PML: variants seen among roughly 807,000 people sequenced by gnomAD.
PML encodes PML nuclear body scaffold.
Under a neutral mutation model 65.2 loss-of-function variants are expected in PML, and 28 were observed. That is an observed-to-expected ratio of 0.43 (90% CI 0.32 to 0.59). PML has a LOEUF of 0.59. PML is among the 20% of genes least tolerant of loss of function. The pLI is 0.08. For synonymous variants in PML, 500 were observed against 508.8 expected (o/e 0.98, Z 0.23); for missense variants, 1,021 against 1,203.4 (o/e 0.85, Z 2.24).
At chr15:74,018,247 A>G (rs1039192708) in intron 2 of PML, among the ~76,000 whole-genome samples, 1 of 150,786 alleles carries the variant, frequency 6.6e-6, no homozygotes, top group African/African-American at 2.4e-5. Flanking sequence ...CACTTGAACC[A>G]GGGAGGCAGA....
intron 6 of PML, 121 bp downstream of exon 6, chr15:74,033,535 T>A: frequency 1.9e-6 from 2 of 1,036,480 alleles, no homozygotes; most frequent in Non-Finnish European, 3.0e-6. Context: ...TTATTCCCAC[T>A]GAATAAGATA....
chr15:74,045,991 A>C lies in PML; in HGVS notation c.*983A>C, dbSNP rs1257418288. 1.3e-5 allele frequency: 3 copies of C among 232,400 alleles called. No individual in the cohort carries two copies. Among genetic ancestry groups the C allele is most frequent in the African/African-American group, 6.6e-5 (3 of 45,296 alleles). The allele number at this position is 232,400 out of a possible 1,614,324, so 14.4% of individuals were successfully genotyped here. On this transcript the variant is annotated 3_prime_UTR_variant, in exon 9 of 9. Transcript: ENST00000268058. ...GCTGCTCTCATAGACTGCTCCTCCA[A>C]GGGGAAGCAGTGTGGAACAGCAGAG...
At chr15:74,036,115 A>C in intron 7 of PML, 1 of 1,612,704 alleles carries the variant, frequency 6.2e-7, no homozygotes, top group East Asian at 2.2e-5. Flanking sequence ...ACCTCTGGGC[A>C]GGGAGACCTG....
chr15:74,028,191 A>G (rs1420128696), intron 4 of PML: 1 of 152,186 alleles, frequency 6.6e-6, no homozygotes, highest in African/African-American at 2.4e-5. Flanking sequence ...AAATAAATTT[A>G]TTATTTTAAA....
intron 2 of PML, among the ~76,000 whole-genome samples, chr15:74,007,995 C>T (rs1030321625): frequency 3.9e-5 from 6 of 152,218 alleles, no homozygotes; most frequent in Non-Finnish European, 8.8e-5. Context: ...GTATCTGGCA[C>T]AGGGCTGACA....
chr15:74,012,267 C>T (rs2070369447), intron 2 of PML, among the ~76,000 whole-genome samples: 1 of 152,208 alleles, frequency 6.6e-6, no homozygotes, highest in Non-Finnish European at 1.5e-5. Context: ...CCTCCGCCTC[C>T]CGGGTTCAAG....
intron 2 of PML, among the ~76,000 whole-genome samples, chr15:74,002,990 G>A (rs369906472): frequency 1.2e-4 from 19 of 152,216 alleles, no homozygotes; most frequent in African/African-American, 4.3e-4. Context: ...GCTGGACATG[G>A]TGGCACATGC....
At chr15:74,021,702 A>G (rs929648903) in intron 2 of PML, among the ~76,000 whole-genome samples, 2 of 152,274 alleles carry the variant, frequency 1.3e-5, no homozygotes, top group South Asian at 4.1e-4. Context: ...TATAACTTGG[A>G]TATTACTAAA....
rs552020355 is a variant in PML at position 74,043,356 on chromosome 15, C to T, written c.1861+217C>T. ...CCGCCTTATCCAGTGCCTGAGTGTG[C>T]GAGAGAGGCAGATGCCTCCACAAGT... On this transcript the variant is annotated intron_variant, in intron 8 of 8. Transcript: ENST00000268058. The surrounding 1 kb of genome is among the most constrained non-coding windows in gnomAD (Gnocchi z 4.3). The T allele has an allele frequency of 1.3e-4, 188 of 1,442,452 alleles. No individual in the cohort carries two copies. The highest frequency in any genetic ancestry group is 1.2e-3 in the East Asian group (47 of 40,182). 89.4% of individuals were successfully genotyped at this position (1,442,452 alleles called of 1,614,324 possible). A position where few individuals can be genotyped will look rare whatever the true frequency, so the allele number is the denominator to read the frequency against.
intron 7 of PML, among the ~76,000 whole-genome samples, chr15:74,039,515 G>A (rs1352774478): frequency 1.3e-5 from 2 of 152,214 alleles, no homozygotes; most frequent in Non-Finnish European, 2.9e-5. Flanking sequence ...TCCAGAGGCT[G>A]GATGCTGACT....
At chr15:73,999,029 T>A (rs956288944) in intron 2 of PML, among the ~76,000 whole-genome samples, 13 of 152,226 alleles carry the variant, frequency 8.5e-5, no homozygotes, top group African/African-American at 2.4e-4. Context: ...CTCAGTTTTT[T>A]AATAGGTAAT....
chr15:74,038,298 G>C (rs1423000471), intron 7 of PML, among the ~76,000 whole-genome samples: 1 of 152,196 alleles, frequency 6.6e-6, no homozygotes, highest in East Asian at 1.9e-4. Context: ...GGGGTGGGGC[G>C]GGGAGTATGT....
intron 7 of PML, among the ~76,000 whole-genome samples, chr15:74,040,185 T>C (rs1043807810): frequency 2.0e-5 from 3 of 152,220 alleles, no homozygotes; most frequent in African/African-American, 7.2e-5. Flanking sequence ...TCCCAGTATT[T>C]ACTTGCATCT....
rs543679740 is a variant in PML at position 74,038,949 on chromosome 15, G to A, written c.1711-4040G>A. On this transcript the variant is annotated intron_variant, in intron 7 of 8. Transcript: ENST00000268058. ...CCAGGCCTGGTTGTGGAGTACCTGG[G>A]GTGAGGACTTTGCTTAAAAACTGCC... Among the ~76,000 whole-genome samples, 10 of 152,320 alleles carry A rather than the reference G, an allele frequency of 6.6e-5. No individual in the cohort carries two copies. In the South Asian group the frequency reaches 2.1e-3, roughly 32 times the overall value.
At position 74,037,416 on chromosome 15, in the gene PML, C is replaced by T. The variant is rs1349032034; in HGVS notation, c.1710+2886C>T. ...TTGACCCCCTGGGAGCCTCACTCCT[C>T]CTCCTCATCTCTCTTGCATCTTCTA... On this transcript the variant is annotated intron_variant, in intron 7 of 8. Transcript: ENST00000268058. This position sits in a 1 kb window ranked among gnomAD's most constrained non-coding sequence, Gnocchi z 4.2. 1 of 985,280 alleles carries T rather than the reference C, an allele frequency of 1.0e-6. No individual in the cohort carries two copies. 61.0% of individuals were successfully genotyped at this position (985,280 alleles called of 1,614,324 possible).
Position 74,044,126 on chromosome 15 carries a change from T to C in PML, c.1862-95T>C, listed in dbSNP as rs2071743311. 4 of 1,229,012 alleles carry C rather than the reference T, an allele frequency of 3.3e-6. No homozygotes were observed. In the Admixed American group the frequency reaches 6.8e-5, roughly 21 times the overall value. The allele number at this position is 1,229,012 out of a possible 1,614,324, so 76.1% of individuals were successfully genotyped here. A position where few individuals can be genotyped will look rare whatever the true frequency, so the allele number is the denominator to read the frequency against. On this transcript the variant is annotated intron_variant, in intron 8 of 8. Transcript: ENST00000268058. ...CCAGCAGACCCCAAGGTGAGGTCTC[T>C]AGATGGTGAGTCAGCAGCCCTAGAG...
intron 2 of PML, among the ~76,000 whole-genome samples, chr15:74,003,655 T>C (rs1166360455): frequency 1.3e-5 from 2 of 152,226 alleles, no homozygotes; most frequent in African/African-American, 4.8e-5. Flanking sequence ...TTGTTAATTT[T>C]TTTTTCTTTT....
chr15:74,044,207 T>A lies in PML; in HGVS notation c.1862-14T>A. 1 of 1,613,344 alleles carries A rather than the reference T, an allele frequency of 6.2e-7. No individual in the cohort carries two copies. The highest frequency in any genetic ancestry group is 8.5e-7 in the Non-Finnish European group (1 of 1,179,930). ...TGACCCTGGGTCCTCACCCTGCCCT[T>A]CTCTCCTGCCCAGCCCAGAAGATTA... On this transcript the variant is annotated splice_polypyrimidine_tract_variant and intron_variant, in intron 8 of 8. Coordinates refer to ENST00000268058, the MANE Select transcript of PML (RefSeq NM_033238.3).
At chr15:74,036,633 G>T (rs879345218) in intron 7 of PML, among the ~76,000 whole-genome samples, 4 of 152,042 alleles carry the variant, frequency 2.6e-5, no homozygotes, top group Non-Finnish European at 5.9e-5. Context: ...CTCAGGGTGG[G>T]CCCCATGCTC....
Sources: allele counts gnomAD v4.1 joint callset (sites outside exome capture counted in the v4.1 genomes callset), GRCh38; gene constraint gnomAD v4.1.1; non-coding constraint Gnocchi (gnomAD v3.1); transcripts MANE v1.5; gene names NCBI Gene and HGNC (gene_info 2026-07-23, HGNC 2026-07-21).